Variants in MYOM3 observed in about 807,000 individuals in gnomAD.
MYOM3 encodes the protein myomesin 3, also known as myomesin-3.
Under a neutral mutation model 191.7 loss-of-function variants are expected in MYOM3, and 155 were observed. The observed-to-expected ratio is 0.81, with a 90% CI of 0.71 to 0.92. The LOEUF (loss-of-function observed/expected upper bound fraction) is 0.92. MYOM3 is among the 40% of genes least tolerant of loss of function. MYOM3 has a pLI of 0.00. For synonymous variants in MYOM3, 757 were observed against 762.9 expected, an observed-to-expected ratio of 0.99 and a Z score of 0.13; for missense variants, 1,889 against 1,890.6, an observed-to-expected ratio of 1.00 and a Z score of 0.02.
chr1:24,084,845 A>G (rs1240263533), intron 15 of MYOM3, among the ~76,000 whole-genome samples: 1 of 152,170 alleles, frequency 6.6e-6, no homozygotes, highest in Non-Finnish European at 1.5e-5. Context: ...ACCTCTGAGC[A>G]TCTCTGCTTC....
At chr1:24,067,329 T>C (rs78487041) in intron 27 of MYOM3, among the ~76,000 whole-genome samples, 5,683 of 52,840 alleles carry the variant, frequency 0.11, 531 homozygotes, top group African/African-American at 0.18. Context: ...TCTTTCCTTC[T>C]TTCTTTCTTT....
chr1:24,086,924 T>A, intron 14 of MYOM3, 97 bp from the exon 15 acceptor site: 1 of 1,313,660 alleles, frequency 7.6e-7, no homozygotes, highest in Non-Finnish European at 1.1e-6. Context: ...CCGTGTGCTC[T>A]CATGATCCTC....
chr1:24,081,265 T>A (rs181639816), intron 19 of MYOM3, 65 bp downstream of exon 19: 2 of 1,593,648 alleles, frequency 1.3e-6, no homozygotes, highest in East Asian at 4.5e-5. Context: ...AACCTTCATC[T>A]CATTGGGTAG....
In MYOM3 at chr1:24,075,424, G is replaced by A. The variant is rs1643584543; in HGVS notation, c.2753C>T (p.Ala918Val). The change falls in exon 22 of 37, where the codon GCT becomes GTT. Residue 918 changes from alanine (A) to valine (V), a missense_variant. By Grantham distance (64) the Ala-to-Val change is moderately conservative. Transcript: ENST00000374434. ...GTCGGGGGCTTCAGGGGCTTCAAAA[G>A]CCAAATAGATAAAGCCCTCTTCATC... The part of the protein sequence containing the change: ...GVDEEGFIYL[A>V]FEAPEAPDSS... 1.2e-6 allele frequency: 2 copies of A among 1,608,854 alleles called. No homozygotes were observed. Among genetic ancestry groups the A allele is most frequent in the South Asian group, 1.1e-5 (1 of 90,222 alleles).
intron 20 of MYOM3, among the ~76,000 whole-genome samples, chr1:24,076,487 G>A (rs1643600984): frequency 7.8e-6 from 1 of 128,200 alleles, no homozygotes; most frequent in African/African-American, 2.9e-5. Flanking sequence ...GGTTCCATCT[G>A]TTTTATTTCC....
At position 24,084,609 on chromosome 1, in the gene MYOM3, G is replaced by A. The variant is rs767263415; in HGVS notation, c.1829C>T (p.Ala610Val). ...GACAGAGGTCTGTGTGTCTCTGAAA[G>A]CTTGAACTTGAGCTGGAGGAGGGAG... ...ATLPPPAQVQ[A>V]FRDTQTSVSL... The change falls in exon 16 of 37, where the codon GCT becomes GTT. Residue 610 changes from alanine to valine, a missense_variant. Transcript: ENST00000374434. The A allele has an allele frequency of 2.5e-6, 4 of 1,613,298 alleles. No homozygotes were observed. The East Asian group carries it at 6.7e-5, about 27-fold the overall frequency.
intron 35 of MYOM3, among the ~76,000 whole-genome samples, 177 bp from the exon 36 acceptor site, chr1:24,059,156 C>T (rs1003144765): frequency 7.9e-5 from 12 of 151,638 alleles, no homozygotes; most frequent in Non-Finnish European, 1.5e-4. Context: ...TTTTTTGAGA[C>T]AGGGTCTCGC....
chr1:24,108,647 G>A lies in MYOM3; in HGVS notation c.-11C>T. ...GTGCGGCAGAGTCATGGTTACGAGA[G>A]CAACAACCTGTGAAGGCCAAGGTCC... is the stretch of plus-strand genomic sequence containing the variant. On this transcript the variant is annotated 5_prime_UTR_variant, in exon 2 of 37. Transcript: ENST00000374434. 4.5e-6 allele frequency: 7 copies of A among 1,540,818 alleles called. No individual in the cohort carries two copies. In the Admixed American group the frequency reaches 8.5e-5, roughly 19 times the overall value.
chr1:24,100,625 G>A (rs1334473000), intron 5 of MYOM3, among the ~76,000 whole-genome samples: 1 of 152,216 alleles, frequency 6.6e-6, no homozygotes, highest in African/African-American at 2.4e-5. Flanking sequence ...GGTGGCTCAC[G>A]CCTGTAATCC....
Position 24,082,076 on chromosome 1 carries a change from G to C in MYOM3, c.2205C>G (p.Phe735Leu). The C allele has an allele frequency of 6.2e-7, 1 of 1,612,562 alleles. No homozygotes were observed. Among genetic ancestry groups the C allele is most frequent in the Non-Finnish European group, 8.5e-7 (1 of 1,179,808 alleles). Residue 735 changes from phenylalanine (F) to leucine (L), a missense_variant, in exon 18 of 37, where the codon TTC (phenylalanine) becomes TTG (leucine). Physicochemically the swap from Phe to Leu is conservative, Grantham distance 22. Coordinates refer to ENST00000374434, the MANE Select transcript of MYOM3 (RefSeq NM_152372.4). The part of the protein sequence containing the change: ...RRGGGKILGY[F>L]LDQHDSEELD... ...GCTCTTCCGAGTCATGCTGGTCCAG[G>C]AAGTAGCCCAGGATCTTGCCACCTC...
At chr1:24,089,984 G>T in intron 13 of MYOM3, 81 bp downstream of exon 13, 1 of 1,418,604 alleles carries the variant, frequency 7.0e-7, no homozygotes, top group Non-Finnish European at 9.9e-7. Flanking sequence ...CACTGGGACA[G>T]CTTCTGCCTC....
chr1:24,094,316 A>G (rs1359363189), intron 9 of MYOM3, among the ~76,000 whole-genome samples: 8 of 151,676 alleles, frequency 5.3e-5, no homozygotes, highest in African/African-American at 1.9e-4. Flanking sequence ...GATTACAGGC[A>G]CCCACCAACA....
intron 11 of MYOM3, among the ~76,000 whole-genome samples, chr1:24,091,613 C>T (rs772761119): frequency 7.2e-5 from 11 of 152,348 alleles, no homozygotes; most frequent in Middle Eastern, 3.4e-3. Flanking sequence ...GTTTCCCCAT[C>T]TATAGAAGAG....
chr1:24,095,580 C>G, intron 7 of MYOM3, 94 bp from the exon 8 acceptor site: 1 of 1,117,044 alleles, frequency 9.0e-7, no homozygotes, highest in Non-Finnish European at 1.3e-6. Flanking sequence ...GAGTTTGAGT[C>G]CTGGTCTGTT....
In MYOM3 at chr1:24,074,141, A is replaced by AC; in HGVS notation, c.2968+18_2968+19insG. ...CTCTCTCTCTGGGGAGGTGGCAGGG[A>AC]GCGGGGTAGGTGCATTACCTTCCTC... On this transcript the variant is annotated intron_variant, in intron 23 of 36. Coordinates refer to ENST00000374434, the MANE Select transcript of MYOM3 (RefSeq NM_152372.4). 1 of 1,582,596 alleles carries AC rather than the reference A, an allele frequency of 6.3e-7. No individual in the cohort carries two copies. Among genetic ancestry groups the AC allele is most frequent in the Non-Finnish European group, 8.7e-7 (1 of 1,153,008 alleles).
At chr1:24,074,325 A>G in intron 22 of MYOM3, 56 bp from the exon 23 acceptor site, 1 of 1,383,832 alleles carries the variant, frequency 7.2e-7, no homozygotes, top group Non-Finnish European at 1.0e-6. Flanking sequence ...CCTGTGCACT[A>G]GAGGCCTGGG....
chr1:24,063,292 T>C lies in MYOM3; in HGVS notation c.3662-58A>G. ...CTGAGGCCATTTAGGCATCAGATTT[T>C]GGGGCCGGCTTGTCTGCCTCTGCCC... On this transcript the variant is annotated intron_variant, in intron 31 of 36. Coordinates refer to ENST00000374434, the MANE Select transcript of MYOM3 (RefSeq NM_152372.4). This position sits in a 1 kb window ranked among gnomAD's most constrained non-coding sequence, Gnocchi z 4.5. The C allele has an allele frequency of 6.7e-7, 1 of 1,499,006 alleles. No individual in the cohort carries two copies. Among genetic ancestry groups the C allele is most frequent in the South Asian group, 1.1e-5 (1 of 88,572 alleles). The allele number at this position is 1,499,006 out of a possible 1,614,324, so 92.9% of individuals were successfully genotyped here.
intron 12 of MYOM3, 112 bp downstream of exon 12, chr1:24,090,685 C>G: frequency 9.4e-7 from 1 of 1,061,270 alleles, no homozygotes; most frequent in Non-Finnish European, 1.4e-6. Flanking sequence ...CTGGGCTGTG[C>G]TTCCTCCACC....
intron 20 of MYOM3, among the ~76,000 whole-genome samples, chr1:24,076,761 G>T (rs1238018628): frequency 1.5e-5 from 1 of 64,562 alleles, no homozygotes; most frequent in Non-Finnish European, 3.9e-5. Flanking sequence ...TGATCCGCCC[G>T]CCTCGGCCTC....
Sources: gnomAD v4.1 joint callset for allele counts (sites outside exome capture counted in the v4.1 genomes callset) on GRCh38, gnomAD v4.1.1 for gene constraint, Gnocchi (gnomAD v3.1) non-coding constraint, MANE v1.5 for transcripts, NCBI Gene and HGNC (gene_info 2026-07-23, HGNC 2026-07-21) for gene names.